The following TDRD12 variants were observed in gnomAD, a reference collection of about 807,000 sequenced individuals.
TDRD12 encodes putative ATP-dependent RNA helicase TDRD12.
A neutral mutation model predicts 133.5 loss-of-function variants in TDRD12; 158 were observed. The ratio of observed to expected loss-of-function variants is 1.18; its 90% CI spans 1.04 to 1.35. The LOEUF is 1.35. Ranked by LOEUF, TDRD12 falls within the 40% of genes most tolerant of loss-of-function variation. The pLI, the probability that TDRD12 is intolerant of heterozygous loss-of-function variation, is 0.00. For synonymous variants in TDRD12, 460 were observed against 477.9 expected (o/e 0.96, Z 0.49); for missense variants, 1,443 against 1,321.3 (o/e 1.09, Z -1.43).
chr19:32,734,679 A>C (rs1035243780), intron 2 of TDRD12, among the ~76,000 whole-genome samples: 1 of 151,846 alleles, frequency 6.6e-6, no homozygotes, highest in Non-Finnish European at 1.5e-5. Context: ...GGCCCTTTAC[A>C]CTTTTAAGTA....
chr19:32,781,553 A>G (rs62126490), intron 11 of TDRD12, among the ~76,000 whole-genome samples: 1,674 of 152,298 alleles, frequency 0.011, 18 homozygotes, highest in Non-Finnish European at 0.019. Context: ...CTTTGCATAA[A>G]TGCTTTTAGA....
At chr19:32,738,935 A>G in exon 3 of TDRD12, 2 of 1,551,184 alleles carry the variant, frequency 1.3e-6, no homozygotes. Context: ...GCAGACCAGT[A>G]CCTGGCAGAA....
At chr19:32,803,230 C>A in intron 21 of TDRD12, 88 bp downstream of exon 21, 1 of 1,012,460 alleles carries the variant, frequency 9.9e-7, no homozygotes, top group Non-Finnish European at 1.4e-6. Flanking sequence ...TGTCATGTAT[C>A]TAGAAGCCAC....
At chr19:32,812,683 A>C (rs1174488357) in intron 24 of TDRD12, among the ~76,000 whole-genome samples, 1 of 152,244 alleles carries the variant, frequency 6.6e-6, no homozygotes, top group Non-Finnish European at 1.5e-5. Flanking sequence ...AAGATGACTG[A>C]CCAAAAGTAT....
intron 27 of TDRD12, among the ~76,000 whole-genome samples, chr19:32,818,875 A>G (rs1463656170): frequency 1.3e-5 from 2 of 152,140 alleles, no homozygotes; most frequent in African/African-American, 4.8e-5. Flanking sequence ...CAGCTGGGCT[A>G]GTGGCCTGCT....
chr19:32,827,376 T>TCTTTTC (rs1555779727), exon 10 of TDRD12: 29 of 337,310 alleles, frequency 8.6e-5, no homozygotes, highest in African/African-American at 1.7e-4. Flanking sequence ...TCTTTTCTTT[T>TCTTTTC]TTTTTTTTTT....
At chr19:32,720,922 C>T (rs1360528106) in intron 1 of TDRD12, among the ~76,000 whole-genome samples, 2 of 150,672 alleles carry the variant, frequency 1.3e-5, no homozygotes, top group Non-Finnish European at 3.0e-5. Flanking sequence ...CGGGATGCAC[C>T]TGGAGGAGCG....
At chr19:32,762,619 C>T (rs1169771591) in intron 8 of TDRD12, among the ~76,000 whole-genome samples, 1 of 152,188 alleles carries the variant, frequency 6.6e-6, no homozygotes, top group Non-Finnish European at 1.5e-5. Context: ...GGGATTCTAG[C>T]AGTGCACCTC....
downstream of TDRD12, among the ~76,000 whole-genome samples, chr19:32,824,842 T>C (rs1967533034): frequency 6.6e-6 from 1 of 152,044 alleles, no homozygotes; most frequent in South Asian, 2.1e-4. Context: ...CTGTGATTTG[T>C]GTTTCCCGGG....
intron 8 of TDRD12, among the ~76,000 whole-genome samples, chr19:32,771,688 G>A (rs1018501637): frequency 1.2e-4 from 18 of 151,440 alleles, no homozygotes; most frequent in African/African-American, 3.4e-4. Flanking sequence ...CTCTCTTGGC[G>A]AATTTTAACT....
chr19:32,740,692 C>G (rs1482343367), intron 3 of TDRD12, among the ~76,000 whole-genome samples: 1 of 152,162 alleles, frequency 6.6e-6, no homozygotes, highest in Non-Finnish European at 1.5e-5. Context: ...AAAGACACTT[C>G]CAGGAGGTAG....
At chr19:32,753,273 T>C (rs538536702) in intron 6 of TDRD12, among the ~76,000 whole-genome samples, 22 of 152,360 alleles carry the variant, frequency 1.4e-4, no homozygotes, top group Admixed American at 9.2e-4. Flanking sequence ...CACAAATCTA[T>C]ATTTCTGTAT....
chr19:32,806,341 T>TTTG (rs1971548543), intron 21 of TDRD12, among the ~76,000 whole-genome samples: 3 of 150,636 alleles, frequency 2.0e-5, no homozygotes, highest in African/African-American at 2.5e-5. Flanking sequence ...GACCGAGTTT[T>TTTG]TTTTTTTTTT....
At chr19:32,724,110 C>T (rs1336856052) in intron 1 of TDRD12, among the ~76,000 whole-genome samples, 6 of 152,228 alleles carry the variant, frequency 3.9e-5, no homozygotes, top group Non-Finnish European at 5.9e-5. Flanking sequence ...ATCGTCCCAC[C>T]TCAGCCTCCC....
rs149877173 is a variant in TDRD12, at chr19:32,768,113, C to T, written c.866-4640C>T. Among the ~76,000 whole-genome samples the T allele has an allele frequency of 2.0e-4, 31 of 152,160 alleles. No individual in the cohort carries two copies. The East Asian group carries it at 4.8e-3, about 24-fold the overall frequency. ...CACTGTCAGAGCTGAGTTGAGTGGC[C>T]GCGCCCCAGGCCACCTGTCCCACAA... On this transcript the variant is annotated intron_variant, in intron 8 of 27. Coordinates refer to ENST00000444215, the Ensembl canonical transcript of TDRD12.
At chr19:32,731,411 A>T (rs542429738) in intron 1 of TDRD12, among the ~76,000 whole-genome samples, 273 of 151,946 alleles carry the variant, frequency 1.8e-3, no homozygotes, top group African/African-American at 5.7e-3. Flanking sequence ...AATTAAAAAA[A>T]TTTTTTTTAA....
At chr19:32,774,754 G>A (rs1405371784) in intron 10 of TDRD12, among the ~76,000 whole-genome samples, 5 of 152,158 alleles carry the variant, frequency 3.3e-5, no homozygotes, top group Non-Finnish European at 5.9e-5. Context: ...GCCAAGGTGG[G>A]CAGACCTCAC....
intron 11 of TDRD12, among the ~76,000 whole-genome samples, chr19:32,784,915 TG>T (rs1970864290): frequency 6.6e-6 from 1 of 152,204 alleles, no homozygotes; most frequent in Non-Finnish European, 1.5e-5. Flanking sequence ...TCTATTTTGT[TG>T]ATCTTTTCAA....
intron 1 of TDRD12, among the ~76,000 whole-genome samples, chr19:32,730,351 CAG>C (rs1372831100): frequency 5.9e-5 from 9 of 152,118 alleles, no homozygotes; most frequent in African/African-American, 1.9e-4. Context: ...GGAATGGGCT[CAG>C]GGGAAAAGCC....
Sources: gnomAD v4.1 joint callset for allele counts (sites outside exome capture counted in the v4.1 genomes callset) on GRCh38, gnomAD v4.1.1 for gene constraint, MANE v1.5 for transcripts, NCBI Gene and HGNC (gene_info 2026-07-23, HGNC 2026-07-21) for gene names.